Variants in DAB1 observed in about 807,000 individuals in gnomAD.
The protein encoded by DAB1 is disabled homolog 1.
Under a neutral mutation model 64.6 loss-of-function variants are expected in DAB1, and 15 were observed. The observed-to-expected ratio is 0.23, with a 90% confidence interval of 0.16 to 0.36. DAB1 has a LOEUF of 0.36. Among genes scored for constraint, DAB1 ranks in the 10% least tolerant of loss-of-function variants. The pLI is 1.00. For synonymous variants in DAB1, 235 were observed against 251.9 expected (o/e 0.93, Z 0.64); for missense variants, 596 against 706.7 (o/e 0.84, Z 1.78).
intron 5 of DAB1, among the ~76,000 whole-genome samples, chr1:57,924,186 A>C (rs758398156): frequency 1.3e-5 from 2 of 152,210 alleles, no homozygotes; most frequent in Non-Finnish European, 2.9e-5. Context: ...ACTGTTTATG[A>C]ATCAGCCTCT....
chr1:58,257,865 G>A (rs1660966863), intron 4 of DAB1, among the ~76,000 whole-genome samples: 1 of 152,176 alleles, frequency 6.6e-6, no homozygotes, highest in African/African-American at 2.4e-5. Context: ...CTGGAGCTAG[G>A]AATGTAATTC....
At chr1:57,960,493 T>TG (rs1645492590) in intron 5 of DAB1, among the ~76,000 whole-genome samples, 1 of 139,554 alleles carries the variant, frequency 7.2e-6, no homozygotes, top group Non-Finnish European at 1.5e-5. Context: ...GGAACCAAAT[T>TG]AAAAAAAAAA....
chr1:57,498,157 G>A (rs1644251059), intron 7 of DAB1, among the ~76,000 whole-genome samples: 1 of 152,210 alleles, frequency 6.6e-6, no homozygotes, highest in Admixed American at 6.5e-5. Flanking sequence ...AATCCTGGAA[G>A]AGGACCAGAT....
chr1:58,296,229 GAAAGAAA>G (rs1176873121), intron 4 of DAB1, among the ~76,000 whole-genome samples: 1 of 150,268 alleles, frequency 6.7e-6, no homozygotes, highest in East Asian at 2.0e-4. Context: ...AAGAAAGAAA[GAAAGAAA>G]GAAAGAAAGA....
At chr1:57,357,088 A>G (rs1049049615) in intron 1 of DAB1, among the ~76,000 whole-genome samples, 7 of 152,108 alleles carry the variant, frequency 4.6e-5, no homozygotes, top group African/African-American at 7.2e-5. Context: ...CATGTTCAAC[A>G]CATGTTATAT....
At chr1:58,001,511 C>T (rs756723619) in intron 5 of DAB1, among the ~76,000 whole-genome samples, 10 of 152,098 alleles carry the variant, frequency 6.6e-5, no homozygotes, top group Admixed American at 2.0e-4. Context: ...CTGCCTGCCT[C>T]GGCCTCCCAA....
At chr1:57,294,338 T>A (rs2100676524) in intron 1 of DAB1, among the ~76,000 whole-genome samples, 1 of 152,290 alleles carries the variant, frequency 6.6e-6, no homozygotes, top group African/African-American at 2.4e-5. Context: ...AATCTAAATG[T>A]GAATTATGTA....
chr1:58,312,171 T>C (rs1391441069), intron 4 of DAB1, among the ~76,000 whole-genome samples: 1 of 152,174 alleles, frequency 6.6e-6, no homozygotes, highest in Non-Finnish European at 1.5e-5. Flanking sequence ...GCTCGGTGTG[T>C]GGCTCTAAGA....
At chr1:58,249,882 G>C (rs1021485321) in intron 4 of DAB1, among the ~76,000 whole-genome samples, 2 of 152,296 alleles carry the variant, frequency 1.3e-5, no homozygotes, top group Non-Finnish European at 2.9e-5. Context: ...GCGCCTTTGC[G>C]CGCCACCCAA....
intron 1 of DAB1, among the ~76,000 whole-genome samples, chr1:57,319,713 G>T (rs1675534216): frequency 6.6e-6 from 1 of 152,096 alleles, no homozygotes; most frequent in Admixed American, 6.5e-5. Context: ...CTTCTGGCTA[G>T]AAGTGGCACT....
At chr1:57,653,381 AT>A (rs769030784) in intron 6 of DAB1, among the ~76,000 whole-genome samples, 10 of 152,096 alleles carry the variant, frequency 6.6e-5, no homozygotes, top group Non-Finnish European at 1.3e-4. Context: ...CTAATATTAT[AT>A]TTTCAAGATT....
intron 4 of DAB1, among the ~76,000 whole-genome samples, chr1:57,080,920 T>C (rs1316777781): frequency 6.6e-6 from 1 of 152,168 alleles, no homozygotes; most frequent in Non-Finnish European, 1.5e-5. Context: ...CAACTCACAT[T>C]CATTCCCCAA....
rs745709345 is a variant in DAB1 at position 57,527,897 on chromosome 1, T to C, written n.625+121695A>G. ...AAACAGTGCCATTTCTATCAAGTAG[T>C]TTTCTTGTCCCAGAATTTTGCTGAG... On this transcript the variant is annotated intron_variant and non_coding_transcript_variant, in intron 7 of 20. Transcript: ENST00000485760. 4.6e-5 allele frequency among the ~76,000 whole-genome samples: 7 copies of C among 152,270 alleles called. No homozygotes were observed. The South Asian group carries it at 1.0e-3, about 23-fold the overall frequency.
At chr1:57,878,663 C>T (rs1644093156) in intron 1 of DAB1, 1 of 152,116 alleles carries the variant, frequency 6.6e-6, no homozygotes, top group African/African-American at 2.4e-5. Context: ...TCACCTCAAA[C>T]ATTTATTATT....
chr1:57,198,509 T>C (rs1487511809), intron 2 of DAB1, among the ~76,000 whole-genome samples: 4 of 152,108 alleles, frequency 2.6e-5, no homozygotes, highest in Non-Finnish European at 4.4e-5. Context: ...CCAAGAACAC[T>C]GGCCTTCTCT....
At chr1:58,445,125 A>ACC (rs1303687575) in intron 3 of DAB1, among the ~76,000 whole-genome samples, 1 of 152,130 alleles carries the variant, frequency 6.6e-6, no homozygotes, top group Non-Finnish European at 1.5e-5. Flanking sequence ...ACAATTGGTC[A>ACC]CCCTACCTTG....
At chr1:58,538,535 A>G (rs1421737002) in intron 1 of DAB1, among the ~76,000 whole-genome samples, 1 of 152,178 alleles carries the variant, frequency 6.6e-6, no homozygotes, top group Non-Finnish European at 1.5e-5. Flanking sequence ...TAACTTTTTA[A>G]AGAGATATTT....
chr1:57,817,839 G>T (rs992349886), intron 6 of DAB1, among the ~76,000 whole-genome samples: 2 of 152,062 alleles, frequency 1.3e-5, no homozygotes, highest in Non-Finnish European at 2.9e-5. Context: ...ATTCCAAAAG[G>T]TTTCAATAGC....
intron 1 of DAB1, among the ~76,000 whole-genome samples, chr1:57,356,470 T>C (rs1307756012): frequency 6.6e-6 from 1 of 152,104 alleles, no homozygotes; most frequent in Non-Finnish European, 1.5e-5. Flanking sequence ...CACATTTATT[T>C]CCACTCCTTG....
Sources: gnomAD v4.1 joint callset for allele counts (sites outside exome capture counted in the v4.1 genomes callset) on GRCh38, gnomAD v4.1.1 for gene constraint, MANE v1.5 for transcripts, NCBI Gene and HGNC (gene_info 2026-07-23, HGNC 2026-07-21) for gene names.